PARVB: variants seen among roughly 807,000 people sequenced by gnomAD.
PARVB encodes the protein parvin beta, also known as beta-parvin.
PARVB carries 46 observed loss-of-function variants against 47.0 expected under a neutral mutation model. The observed-to-expected ratio is 0.98, with a 90% CI of 0.77 to 1.25. The LOEUF is 1.25. Among genes scored for constraint, PARVB ranks in the 50% most tolerant of loss-of-function variants. The pLI, the probability that PARVB is intolerant of heterozygous loss-of-function variation, is 0.00. For synonymous variants in PARVB, 196 were observed against 196.3 expected (o/e 1.00, Z 0.01); for missense variants, 473 against 471.6 (o/e 1.00, Z -0.03).
chr22:44,147,834 T>C (rs546722247), intron 8 of PARVB, 27 bp from the exon 9 acceptor site: 28 of 1,610,250 alleles, frequency 1.7e-5, no homozygotes, highest in South Asian at 1.6e-4. Context: ...TAAACGCTCC[T>C]TCGTGTCTCT....
At chr22:44,163,957 G>C (rs373508022) in intron 12 of PARVB, 27 bp downstream of exon 12, 2 of 1,584,286 alleles carry the variant, frequency 1.3e-6, no homozygotes, top group African/African-American at 2.7e-5. Context: ...AGGTTCCCCC[G>C]GGAGAGGTGC....
At chr22:44,085,313 T>TCTTTTC (rs1411158129) in intron 1 of PARVB, among the ~76,000 whole-genome samples, 4 of 152,156 alleles carry the variant, frequency 2.6e-5, no homozygotes, top group African/African-American at 9.7e-5. Context: ...TTTTTCTTTT[T>TCTTTTC]CTTTTTAATT....
At chr22:44,016,866 C>T (rs1310186925) in intron 2 of PARVB, among the ~76,000 whole-genome samples, 3 of 151,922 alleles carry the variant, frequency 2.0e-5, no homozygotes, top group Admixed American at 2.0e-4. Flanking sequence ...TTTTTACTTC[C>T]CCATTTTATT....
chr22:44,151,536 G>A lies in PARVB; in HGVS notation c.828G>A (p.Thr276=), dbSNP rs542873917. 5 of 1,613,266 alleles carry A rather than the reference G, an allele frequency of 3.1e-6. No homozygotes were observed. The African/African-American group carries it at 4.0e-5, about 13-fold the overall frequency. The change falls in exon 10 of 13, where the codon ACG becomes ACA. Residue 276 remains threonine, a synonymous_variant. Transcript: ENST00000338758. ...KHLNKLNLEV[T]ELETQFADGV... ...TGAACAAGCTGAATTTGGAGGTGAC[G>A]GAACTGGAGACCCAGGTATGTGCTG...
At chr22:44,010,997 T>C (rs967784467) in intron 2 of PARVB, among the ~76,000 whole-genome samples, 1 of 151,694 alleles carries the variant, frequency 6.6e-6, no homozygotes, top group Non-Finnish European at 1.5e-5. Context: ...GTTCACGTCA[T>C]TCTCCTGCCT....
chr22:44,086,050 T>G (rs1175796345), intron 1 of PARVB, among the ~76,000 whole-genome samples: 1 of 152,232 alleles, frequency 6.6e-6, no homozygotes, highest in African/African-American at 2.4e-5. Flanking sequence ...ATAAATCAGA[T>G]GTTCAAGCTG....
intron 1 of PARVB, among the ~76,000 whole-genome samples, chr22:44,063,330 G>T (rs1049319177): frequency 1.3e-5 from 2 of 151,702 alleles, no homozygotes; most frequent in Non-Finnish European, 2.9e-5. Flanking sequence ...GGGTTCAAGT[G>T]ATTCTCCTGC....
chr22:44,045,802 C>G (rs558832791), intron 1 of PARVB, among the ~76,000 whole-genome samples: 1 of 152,348 alleles, frequency 6.6e-6, no homozygotes, highest in South Asian at 2.1e-4. Context: ...TATGTTAGTA[C>G]TACACTGTCT....
intron 3 of PARVB, chr22:44,111,405 G>T (rs1449189510): frequency 6.7e-6 from 1 of 149,014 alleles, no homozygotes; most frequent in Non-Finnish European, 1.5e-5. Context: ...GATTTTAGGG[G>T]GTGTTTTAAA....
At chr22:44,129,928 C>T (rs2053273167) in intron 4 of PARVB, among the ~76,000 whole-genome samples, 1 of 152,216 alleles carries the variant, frequency 6.6e-6, no homozygotes, top group Non-Finnish European at 1.5e-5. Flanking sequence ...CCAACAAACG[C>T]ATGATCGAAG....
At chr22:44,003,065 C>T (rs1012294615) in intron 2 of PARVB, among the ~76,000 whole-genome samples, 1 of 152,100 alleles carries the variant, frequency 6.6e-6, no homozygotes, top group Admixed American at 6.5e-5. Flanking sequence ...CTTTCTTCCC[C>T]GTACTTCCCC....
rs768094365 is a variant in PARVB at position 44,131,517 on chromosome 22, C to T, written c.407C>T (p.Ala136Val). 4.0e-5 allele frequency: 64 copies of T among 1,613,946 alleles called. No individual in the cohort carries two copies. The highest frequency in any genetic ancestry group is 5.3e-5 in the Non-Finnish European group (63 of 1,180,020). The change falls in exon 5 of 13, where the codon GCT (alanine) becomes GTT (valine). Residue 136 changes from alanine to valine, a missense_variant. Coordinates refer to ENST00000338758, the MANE Select transcript of PARVB (RefSeq NM_013327.5). ...CTGGCAGGGTGCAAGCTGAATGTGG[C>T]TGAGGTGACACAGTCCGAAATAGGG... ...EKLAGCKLNVAEVTQSEIGQK... is the reference protein window; with the variant it reads ...EKLAGCKLNVVEVTQSEIGQK...
At chr22:44,009,356 A>G (rs896556652) in intron 2 of PARVB, 2 of 152,208 alleles carry the variant, frequency 1.3e-5, no homozygotes, top group African/African-American at 2.4e-5. Flanking sequence ...ACTGATGATA[A>G]TGCCTGTCTG....
At chr22:44,043,471 C>T (rs1258403247) in intron 1 of PARVB, among the ~76,000 whole-genome samples, 4 of 152,052 alleles carry the variant, frequency 2.6e-5, no homozygotes, top group East Asian at 1.9e-4. Flanking sequence ...CTCCGCCTCC[C>T]GGGATCACGC....
intron 2 of PARVB, among the ~76,000 whole-genome samples, chr22:44,018,009 C>T (rs1325233005): frequency 2.0e-5 from 3 of 152,114 alleles, no homozygotes; most frequent in Admixed American, 1.3e-4. Flanking sequence ...TCAAAGAGGC[C>T]AGAGACCCCT....
At position 44,089,373 on chromosome 22, in the gene PARVB, TCACACCCTC is replaced by T. The variant is rs1032288107; in HGVS notation, c.113-4543_113-4535del. On this transcript the variant is annotated intron_variant, in intron 1 of 12. Transcript: ENST00000338758. The surrounding 1 kb of genome is among the most constrained non-coding windows in gnomAD (Gnocchi z 4.0). Reference sequence around the variant, plus strand: ...AATCAAGCCCCAGTCCCTTGGAAGCTCACACCCTCCACACCCTCCAGACACTGAGAGAAT... The same window carrying T: ...AATCAAGCCCCAGTCCCTTGGAAGCTCACACCCTCCAGACACTGAGAGAAT... 4.6e-5 allele frequency: 7 copies of T among 152,296 alleles called. No homozygotes were observed. Among genetic ancestry groups the T allele is most frequent in the African/African-American group, 1.7e-4 (7 of 41,432 alleles). 9.4% of individuals were successfully genotyped at this position (152,296 alleles called of 1,614,324 possible).
rs139587217 is a variant in PARVB at position 44,154,342 on chromosome 22, A to G, written c.843+2791A>G. On this transcript the variant is annotated intron_variant, in intron 10 of 12. Transcript: ENST00000338758. Reference sequence around the variant, plus strand: ...GTTGCAAAGGAATTTGGGTATTTTTATAAATACCATATATCATTTATGAAG... The same window carrying G: ...GTTGCAAAGGAATTTGGGTATTTTTGTAAATACCATATATCATTTATGAAG... Among the ~76,000 whole-genome samples the G allele has an allele frequency of 2.0e-3, 305 of 152,348 alleles. 2 individuals are homozygous for G. Among genetic ancestry groups the G allele is most frequent in the African/African-American group, 6.9e-3 (285 of 41,584 alleles).
At chr22:44,059,638 G>A (rs978340855) in intron 1 of PARVB, among the ~76,000 whole-genome samples, 2 of 152,324 alleles carry the variant, frequency 1.3e-5, no homozygotes, top group East Asian at 3.9e-4. Context: ...ATTCACAGGG[G>A]AGAAGAGATG....
intron 1 of PARVB, among the ~76,000 whole-genome samples, chr22:44,044,108 C>T (rs765406574): frequency 1.3e-5 from 2 of 151,986 alleles, no homozygotes; most frequent in Non-Finnish European, 2.9e-5. Flanking sequence ...ATCTCACACA[C>T]TTTGGACAGA....
Sources: gnomAD v4.1 joint callset for allele counts (sites outside exome capture counted in the v4.1 genomes callset) on GRCh38, gnomAD v4.1.1 for gene constraint, Gnocchi (gnomAD v3.1) non-coding constraint, MANE v1.5 for transcripts, NCBI Gene and HGNC (gene_info 2026-07-23, HGNC 2026-07-21) for gene names.